Variants in WDR72 observed in about 807,000 individuals in gnomAD.
WDR72 encodes the protein WD repeat domain 72.
In WDR72, 120 loss-of-function variants were observed where a neutral mutation model predicts 124.2. The observed-to-expected ratio is 0.97, with a 90% CI of 0.83 to 1.12. The LOEUF (loss-of-function observed/expected upper bound fraction) is 1.12. Among genes scored for constraint, WDR72 ranks in the 50% most tolerant of loss-of-function variants. The pLI, the probability that WDR72 is intolerant of heterozygous loss-of-function variation, is 0.00. For synonymous variants in WDR72, 452 were observed against 441.7 expected (o/e 1.02, Z -0.29); for missense variants, 1,387 against 1,278.8 (o/e 1.08, Z -1.29).
chr15:53,617,919 G>A (rs536772535), intron 14 of WDR72, among the ~76,000 whole-genome samples: 2 of 152,030 alleles, frequency 1.3e-5, no homozygotes, highest in South Asian at 2.1e-4. Flanking sequence ...AGGACTGGGA[G>A]GTATAGTTTC....
At chr15:53,596,001 C>G (rs575843742) in intron 18 of WDR72, among the ~76,000 whole-genome samples, 1 of 152,094 alleles carries the variant, frequency 6.6e-6, no homozygotes, top group Non-Finnish European at 1.5e-5. Flanking sequence ...TTTCATTTCT[C>G]TCTACATAAC....
At chr15:53,701,699 T>C (rs1374783357) in intron 12 of WDR72, among the ~76,000 whole-genome samples, 1 of 152,082 alleles carries the variant, frequency 6.6e-6, no homozygotes, top group African/African-American at 2.4e-5. Context: ...TCTCAGCTCA[T>C]TGCAAAATGG....
intron 18 of WDR72, among the ~76,000 whole-genome samples, chr15:53,567,459 A>C (rs1171522663): frequency 6.6e-6 from 1 of 151,938 alleles, no homozygotes; most frequent in African/African-American, 2.4e-5. Context: ...AACAAACAAA[A>C]AACCCTGTTT....
At chr15:53,650,893 GTTTTTTT>G (rs71297666) in intron 14 of WDR72, among the ~76,000 whole-genome samples, 1 of 106,782 alleles carries the variant, frequency 9.4e-6, no homozygotes. Context: ...CTCTAATTCA[GTTTTTTT>G]TTTTTTTTTT....
chr15:53,695,002 T>C (rs960418915), intron 13 of WDR72, among the ~76,000 whole-genome samples: 3 of 152,156 alleles, frequency 2.0e-5, no homozygotes, highest in African/African-American at 7.2e-5. Context: ...TATGCTACAA[T>C]AGGAGAGTTC....
intron 1 of WDR72, among the ~76,000 whole-genome samples, chr15:53,744,014 C>T (rs1009753348): frequency 2.0e-5 from 3 of 151,774 alleles, no homozygotes; most frequent in African/African-American, 7.3e-5. Flanking sequence ...ATCTTCTCTT[C>T]AGATCAAAGG....
chr15:53,589,341 T>G (rs934726557), intron 18 of WDR72, among the ~76,000 whole-genome samples: 13 of 151,918 alleles, frequency 8.6e-5, no homozygotes, highest in African/African-American at 3.1e-4. Context: ...TGCTAAAGAA[T>G]AGCAATCGGC....
chr15:53,547,051 A>T (rs1051400574), intron 18 of WDR72, among the ~76,000 whole-genome samples: 1 of 152,244 alleles, frequency 6.6e-6, no homozygotes, highest in African/African-American at 2.4e-5. Flanking sequence ...CTTTGATATG[A>T]CAAAATACAT....
At chr15:53,538,283 T>C (rs2140249140) in intron 18 of WDR72, among the ~76,000 whole-genome samples, 1 of 152,348 alleles carries the variant, frequency 6.6e-6, no homozygotes, top group African/African-American at 2.4e-5. Context: ...TGAGCAACTA[T>C]AATCTTTTAT....
chr15:53,756,251 C>T (rs188516128), intron 1 of WDR72, among the ~76,000 whole-genome samples: 4 of 152,178 alleles, frequency 2.6e-5, no homozygotes, highest in African/African-American at 7.2e-5. Context: ...TCATAAGGGG[C>T]TTCCCCCTTT....
chr15:53,571,328 T>C (rs1894519061), intron 18 of WDR72, among the ~76,000 whole-genome samples: 1 of 152,144 alleles, frequency 6.6e-6, no homozygotes, highest in African/African-American at 2.4e-5. Flanking sequence ...TTATTTCTCT[T>C]ATTGAATTGA....
chr15:53,657,463 T>A (rs955913921), intron 14 of WDR72, among the ~76,000 whole-genome samples: 2 of 152,040 alleles, frequency 1.3e-5, no homozygotes, highest in African/African-American at 4.8e-5. Context: ...GCTAACACAG[T>A]CCCTAGATCA....
chr15:53,676,923 GCTT>G, intron 13 of WDR72, among the ~76,000 whole-genome samples: 1 of 132,692 alleles, frequency 7.5e-6, no homozygotes, highest in South Asian at 2.3e-4. Context: ...TGAAATTCTT[GCTT>G]TTTTTTTTTT....
intron 13 of WDR72, among the ~76,000 whole-genome samples, chr15:53,685,855 G>T (rs1490745545): frequency 1.6e-5 from 2 of 128,242 alleles, no homozygotes; most frequent in Non-Finnish European, 3.2e-5. Flanking sequence ...GACTAACAGC[G>T]GATCTCTCAC....
At chr15:53,627,173 T>C (rs2014244793) in intron 14 of WDR72, among the ~76,000 whole-genome samples, 1 of 152,224 alleles carries the variant, frequency 6.6e-6, no homozygotes, top group Non-Finnish European at 1.5e-5. Flanking sequence ...TAAGATGACA[T>C]TATCCACTTA....
At chr15:53,545,619 C>T (rs1280539794) in intron 18 of WDR72, among the ~76,000 whole-genome samples, 1 of 151,046 alleles carries the variant, frequency 6.6e-6, no homozygotes, top group African/African-American at 2.4e-5. Flanking sequence ...ATTTCATGTC[C>T]AAAACACCAA....
intron 18 of WDR72, among the ~76,000 whole-genome samples, chr15:53,561,446 G>C (rs1884316341): frequency 6.6e-6 from 1 of 151,594 alleles, no homozygotes; most frequent in Non-Finnish European, 1.5e-5. Context: ...CAGCAAAGAG[G>C]GTATTCCTCT....
At chr15:53,577,430 G>T (rs1321364504) in intron 18 of WDR72, among the ~76,000 whole-genome samples, 5 of 152,020 alleles carry the variant, frequency 3.3e-5, no homozygotes, top group Non-Finnish European at 7.4e-5. Context: ...AGACTTCTGA[G>T]AGATGACTCA....
Position 53,722,922 on chromosome 15 carries a change from G to C in WDR72, c.154-14C>G, listed in dbSNP as rs758320314. 1 of 1,604,994 alleles carries C rather than the reference G, an allele frequency of 6.2e-7. No individual in the cohort carries two copies. The highest frequency in any genetic ancestry group is 2.2e-5 in the East Asian group (1 of 44,802). On this transcript the variant is annotated splice_polypyrimidine_tract_variant and intron_variant, in intron 2 of 19. Transcript: ENST00000360509. Reference sequence around the variant, plus strand: ...TTTCGCTGAAATCTGAAAATAATGAGAGTGAGCTTTTAAATAATTGTAAAC... The same window carrying C: ...TTTCGCTGAAATCTGAAAATAATGACAGTGAGCTTTTAAATAATTGTAAAC...
Sources: allele counts gnomAD v4.1 joint callset (sites outside exome capture counted in the v4.1 genomes callset), GRCh38; gene constraint gnomAD v4.1.1; transcripts MANE v1.5; gene names NCBI Gene and HGNC (gene_info 2026-07-23, HGNC 2026-07-21).